The following TRIOBP variants were observed in gnomAD, a reference collection of about 807,000 sequenced individuals.
The protein encoded by TRIOBP is TRIO and F-actin binding protein, also known as TRIO and F-actin-binding protein.
In TRIOBP, 169 loss-of-function variants were observed where a neutral mutation model predicts 238.8. That is an observed-to-expected ratio of 0.71 (90% CI 0.62 to 0.80). The LOEUF is 0.80. TRIOBP is among the 30% of genes least tolerant of loss of function. TRIOBP has a pLI of 0.00. For synonymous variants in TRIOBP, 1,150 were observed against 1,274.4 expected (o/e 0.90, Z 2.08); for missense variants, 2,838 against 3,122.6 (o/e 0.91, Z 2.17).
chr22:37,735,881 G>T (rs1385422457), intron 9 of TRIOBP, among the ~76,000 whole-genome samples: 1 of 152,194 alleles, frequency 6.6e-6, no homozygotes, highest in African/African-American at 2.4e-5. Context: ...CCTGGTTTAT[G>T]TTGTGTCTGG....
At chr22:37,765,423 G>C (rs2145877878) in intron 17 of TRIOBP, among the ~76,000 whole-genome samples, 1 of 152,230 alleles carries the variant, frequency 6.6e-6, no homozygotes, top group African/African-American at 2.4e-5. Context: ...GGTCAGCCAT[G>C]GGAACGGGGA....
chr22:37,759,941 A>G (rs1926157395), intron 17 of TRIOBP: 1 of 247,784 alleles, frequency 4.0e-6, no homozygotes, highest in Non-Finnish European at 7.1e-6. Context: ...AAAAATATAT[A>G]ATTTTATTGT....
chr22:37,745,242 TG>T (rs1439991834), intron 11 of TRIOBP, among the ~76,000 whole-genome samples: 1 of 152,162 alleles, frequency 6.6e-6, no homozygotes, highest in Non-Finnish European at 1.5e-5. Flanking sequence ...CCTGCCTCCT[TG>T]CCTAAGGATA....
In TRIOBP at chr22:37,759,212, G is replaced by C. The variant is rs78758968; in HGVS notation, c.6272G>C (p.Ser2091Thr). Residue 2091 changes from serine (S) to threonine (T), a missense_variant, in exon 17 of 24, where the codon AGT (serine) becomes ACT (threonine). By Grantham distance (58) the Ser-to-Thr change is moderately conservative. This residue lies in a region of TRIOBP where 2,096 missense variants were observed against 2,137.4 expected (regional missense o/e 0.98). Coordinates refer to ENST00000644935, the MANE Select transcript of TRIOBP (RefSeq NM_001039141.3). ...CGTCTCCAAGGGGAGGCTCCTCAGAGTGCACTGAGATCCCAGGAGGATGGC... is the reference window on the plus strand; with the variant it reads ...CGTCTCCAAGGGGAGGCTCCTCAGACTGCACTGAGATCCCAGGAGGATGGC... ...AWRLQGEAPQSALRSQEDGHI... is the reference protein window; with the variant it reads ...AWRLQGEAPQTALRSQEDGHI... The C allele has an allele frequency of 7.7e-4, 1,247 of 1,613,080 alleles. 14 individuals are homozygous for C. In the African/African-American group the frequency reaches 0.015, roughly 19 times the overall value.
intron 4 of TRIOBP, 130 bp downstream of exon 4, chr22:37,710,696 C>T: frequency 7.6e-7 from 1 of 1,315,050 alleles, no homozygotes. Flanking sequence ...GGTCAGTCCT[C>T]TAAACCTAGG....
intron 11 of TRIOBP, chr22:37,751,197 G>A (rs1388364915): frequency 5.2e-6 from 2 of 387,048 alleles, no homozygotes; most frequent in African/African-American, 2.1e-5. Flanking sequence ...GCGGCACCCA[G>A]AAGGTAGGGC....
At position 37,740,799 on chromosome 22, in the gene TRIOBP, TG is replaced by T. The variant is rs1924896326; in HGVS notation, c.5185-90del. The T allele has an allele frequency of 3.3e-6, 5 of 1,526,952 alleles. No homozygotes were observed. The East Asian group carries it at 9.8e-5, about 30-fold the overall frequency. 94.6% of individuals were successfully genotyped at this position (1,526,952 alleles called of 1,614,324 possible). On this transcript the variant is annotated intron_variant, in intron 10 of 23. Coordinates refer to ENST00000644935, the MANE Select transcript of TRIOBP (RefSeq NM_001039141.3). ...AGATGGGAACCCTGGGGCTCCATGG[TG>T]GGGGGCACCACAGAATGGGCAGGGG... is the stretch of plus-strand genomic sequence containing the variant.
chr22:37,765,555 G>A (rs2145878031), intron 17 of TRIOBP, 115 bp from the exon 18 acceptor site: 4 of 1,409,868 alleles, frequency 2.8e-6, no homozygotes, highest in Middle Eastern at 2.4e-4. Flanking sequence ...TGGAGGTGCT[G>A]GGACCCAGGA....
At chr22:37,701,838 A>G (rs1922664484) in intron 3 of TRIOBP, among the ~76,000 whole-genome samples, 1 of 152,232 alleles carries the variant, frequency 6.6e-6, no homozygotes, top group South Asian at 2.1e-4. Flanking sequence ...GTTAAGAAGA[A>G]AGGTAGAGGC....
Position 37,746,461 on chromosome 22 carries a change from A to G in TRIOBP, c.5323-5311A>G, listed in dbSNP as rs5756803. The G allele has an allele frequency of 0.9, 1,259,731 of 1,393,838 alleles. 574,222 individuals carry two copies. Among genetic ancestry groups the G allele is most frequent in the East Asian group, 1 (31,323 of 31,338 alleles). 86.3% of individuals were successfully genotyped at this position (1,393,838 alleles called of 1,614,324 possible). ...AGCCGCCCGCGCCCGAGGCCGGGAG[A>G]AGGGCGACGACCCGAGGCAGAGCCC... On this transcript the variant is annotated intron_variant, in intron 11 of 23. Transcript: ENST00000644935.
intron 11 of TRIOBP, among the ~76,000 whole-genome samples, chr22:37,742,269 T>TTTG (rs1306847646): frequency 6.7e-6 from 1 of 149,028 alleles, no homozygotes; most frequent in South Asian, 2.2e-4. Flanking sequence ...TTTTTTTTTT[T>TTTG]TTTTTTTAAA....
chr22:37,718,127 G>A (rs1200360470), intron 6 of TRIOBP, among the ~76,000 whole-genome samples: 2 of 152,158 alleles, frequency 1.3e-5, no homozygotes, highest in Non-Finnish European at 2.9e-5. Flanking sequence ...CCAGCCGGCC[G>A]CTCCGAGTGC....
chr22:37,715,936 T>G lies in TRIOBP; in HGVS notation c.628+2T>G. 6.2e-7 allele frequency: 1 copy of G among 1,612,178 alleles called. No homozygotes were observed. The highest frequency in any genetic ancestry group is 8.5e-7 in the Non-Finnish European group (1 of 1,179,772). ...ATGCTGCAGGCCAGAAAAAGGAGGG[T>G]GAGTCCTTCTGCCAGGTTGGTTCCC... On this transcript the variant is annotated splice_donor_variant, in intron 6 of 23. Coordinates refer to ENST00000644935, the MANE Select transcript of TRIOBP (RefSeq NM_001039141.3). LOFTEE classifies it high-confidence loss of function.
chr22:37,759,707 G>C, intron 17 of TRIOBP: 1 of 1,496,920 alleles, frequency 6.7e-7, no homozygotes, highest in Non-Finnish European at 8.9e-7. Flanking sequence ...CAGGACAGGG[G>C]AGCCTCCAGT....
chr22:37,727,678 T>C (rs115972483), intron 7 of TRIOBP, among the ~76,000 whole-genome samples: 1,816 of 151,900 alleles, frequency 0.012, 35 homozygotes, highest in African/African-American at 0.042. Context: ...AAAATAAAAA[T>C]AAAATAAAAA....
intron 17 of TRIOBP, 107 bp downstream of exon 17, chr22:37,759,371 T>C: frequency 2.3e-6 from 3 of 1,304,376 alleles, no homozygotes; most frequent in Non-Finnish European, 3.3e-6. Flanking sequence ...TGCTGGAACC[T>C]GTGTGGGGCA....
At chr22:37,737,185 G>A (rs1489472180) in intron 9 of TRIOBP, among the ~76,000 whole-genome samples, 9 of 152,194 alleles carry the variant, frequency 5.9e-5, no homozygotes, top group Admixed American at 5.9e-4. Context: ...AGGCCGGCCA[G>A]GTCAAGAAGG....
rs555316009 is a variant in TRIOBP at position 37,724,855 on chromosome 22, A to T, written c.2299A>T (p.Asn767Tyr). Residue 767 changes from asparagine (N) to tyrosine (Y), a missense_variant, in exon 7 of 24, where the codon AAC becomes TAC. Asn to Tyr is a moderately radical substitution (Grantham distance 143). This residue lies in a region of TRIOBP where 2,096 missense variants were observed against 2,137.4 expected (regional missense o/e 0.98). Coordinates refer to ENST00000644935, the MANE Select transcript of TRIOBP (RefSeq NM_001039141.3). The stretch of plus-strand genomic sequence containing the variant: ...TCCTAACAGAACCATCCAACAAGAG[A>T]ACCTCAGAACATCCTGTACCCGACA... ...SSPNRTIQQENLRTSCTRQDN... is the reference protein window; with the variant it reads ...SSPNRTIQQEYLRTSCTRQDN... 4.3e-6 allele frequency: 7 copies of T among 1,613,116 alleles called. No homozygotes were observed. In the African/African-American group the frequency reaches 8.0e-5, roughly 19 times the overall value.
At position 37,734,616 on chromosome 22, in the gene TRIOBP, G is replaced by A. The variant is rs1329127252; in HGVS notation, c.4280G>A (p.Trp1427Ter). 1.3e-6 allele frequency: 2 copies of A among 1,583,540 alleles called. No homozygotes were observed. The highest frequency in any genetic ancestry group is 1.7e-6 in the Non-Finnish European group (2 of 1,165,232). ...GGCCCAAGACAGCCTCTGGGGGTGT[G>A]GCAGAGTCAGGAGGAACCGCCAGGG... ...QAGPRQPLGV[W>*]QSQEEPPGSQ... The change falls in exon 9 of 24, where the codon TGG becomes TAG. Residue 1427 changes from tryptophan to a stop codon, truncating the protein, a stop_gained. Coordinates refer to ENST00000644935, the MANE Select transcript of TRIOBP (RefSeq NM_001039141.3). LOFTEE classifies it high-confidence loss of function.
Sources: allele counts gnomAD v4.1 joint callset (sites outside exome capture counted in the v4.1 genomes callset), GRCh38; gene constraint gnomAD v4.1.1; regional missense constraint gnomAD v4.1.1; transcripts MANE v1.5; gene names NCBI Gene and HGNC (gene_info 2026-07-23, HGNC 2026-07-21).